Variants in LRP6 observed in about 807,000 individuals in gnomAD.
The protein encoded by LRP6 is low-density lipoprotein receptor-related protein 6.
LRP6 carries 43 observed loss-of-function variants against 184.1 expected under a neutral mutation model. The ratio of observed to expected loss-of-function variants is 0.23; its 90% CI spans 0.18 to 0.30. LRP6 has a LOEUF of 0.30. Ranked by LOEUF, LRP6 falls within the 10% of genes least tolerant of loss-of-function variation. The pLI, the probability that LRP6 is intolerant of heterozygous loss-of-function variation, is 1.00. For missense variants in LRP6, 1,571 were observed against 2,005.3 expected (o/e 0.78, Z 4.14); for synonymous variants, 719 against 684.9 (o/e 1.05, Z -0.78).
At chr12:12,196,467 T>C (rs1863764990) in intron 3 of LRP6, among the ~76,000 whole-genome samples, 1 of 152,170 alleles carries the variant, frequency 6.6e-6, no homozygotes, top group Non-Finnish European at 1.5e-5. Flanking sequence ...CTATTGTAAA[T>C]GACACTGCCT....
chr12:12,170,560 C>A (rs1472600408), intron 7 of LRP6, among the ~76,000 whole-genome samples: 1 of 151,948 alleles, frequency 6.6e-6, no homozygotes, highest in Non-Finnish European at 1.5e-5. Flanking sequence ...TTAGTGGCTA[C>A]ATATTGCACT....
intron 2 of LRP6, among the ~76,000 whole-genome samples, chr12:12,217,757 A>G (rs764710579): frequency 3.3e-5 from 5 of 152,236 alleles, no homozygotes; most frequent in Non-Finnish European, 7.3e-5. Context: ...TTGACTTTCA[A>G]TGAGGATGTG....
Position 12,131,802 on chromosome 12 carries a change from A to C in LRP6, c.3970+19T>G. The C allele has an allele frequency of 6.3e-7, 1 of 1,587,706 alleles. No individual in the cohort carries two copies. The highest frequency in any genetic ancestry group is 1.3e-5 in the African/African-American group (1 of 74,560). On this transcript the variant is annotated intron_variant, in intron 18 of 22. Transcript: ENST00000261349. ...GGAAAAAAGGATTGCATGCTGAGGC[A>C]CTGAAGAATTCTGGATACCTTCACA... is the stretch of plus-strand genomic sequence containing the variant.
At position 12,126,801 on chromosome 12, in the gene LRP6, C is replaced by T. The variant is rs34815107; in HGVS notation, c.4202G>A (p.Arg1401His). Residue 1401 changes from arginine to histidine, a missense_variant, in exon 20 of 23, where the codon CGT becomes CAT. This residue lies in a region of LRP6 where 763 missense variants were observed against 859.5 expected (regional missense o/e 0.89). Coordinates refer to ENST00000261349, the MANE Select transcript of LRP6 (RefSeq NM_002336.3). ...CATAGTTTCCCCATCTCCCTTCATA[C>T]GTGGACACAACATCCTCTGGCAGAT... ...YFICQRMLCP[R>H]MKGDGETMTN... The T allele has an allele frequency of 7.8e-4, 1,253 of 1,614,038 alleles. 9 individuals carry two copies. In the African/African-American group the frequency reaches 0.015, roughly 19 times the overall value.
At chr12:12,134,189 C>A (rs188931497) in intron 17 of LRP6, among the ~76,000 whole-genome samples, 1 of 152,256 alleles carries the variant, frequency 6.6e-6, no homozygotes, top group African/African-American at 2.4e-5. Flanking sequence ...AATACATATT[C>A]TCTTTCAATA....
At chr12:12,222,306 CTGTAA>C in intron 2 of LRP6, among the ~76,000 whole-genome samples, 1 of 152,004 alleles carries the variant, frequency 6.6e-6, no homozygotes, top group African/African-American at 2.4e-5. Flanking sequence ...TGGCTCACAC[CTGTAA>C]TCCCAGCACT....
intron 12 of LRP6, among the ~76,000 whole-genome samples, chr12:12,156,705 T>C (rs1862588738): frequency 6.6e-6 from 1 of 152,238 alleles, no homozygotes; most frequent in Admixed American, 6.5e-5. Context: ...AGACCTCCCC[T>C]TACTCATTCA....
At chr12:12,140,973 T>C (rs562917205) in intron 15 of LRP6, among the ~76,000 whole-genome samples, 9 of 152,200 alleles carry the variant, frequency 5.9e-5, no homozygotes, top group Non-Finnish European at 8.8e-5. Flanking sequence ...GAATGTACCA[T>C]GCTAAATTTT....
chr12:12,186,719 C>T, intron 4 of LRP6: 9 of 572,842 alleles, frequency 1.6e-5, no homozygotes, highest in East Asian at 3.2e-5. Context: ...AGTGCAGTGG[C>T]GCAATCTCAG....
chr12:12,132,564 A>G (rs1175022508), intron 17 of LRP6, among the ~76,000 whole-genome samples: 1 of 152,214 alleles, frequency 6.6e-6, no homozygotes, highest in Non-Finnish European at 1.5e-5. Context: ...TGCAAAAGAA[A>G]TAGTGAATAA....
At chr12:12,144,882 G>A (rs1344242940) in intron 15 of LRP6, among the ~76,000 whole-genome samples, 8 of 150,368 alleles carry the variant, frequency 5.3e-5, no homozygotes, top group Admixed American at 5.3e-4. Context: ...TTGGACACAG[G>A]GTGGGGAACA....
intron 19 of LRP6, 84 bp from the exon 20 acceptor site, chr12:12,127,005 G>A (rs1949681771): frequency 8.8e-7 from 1 of 1,133,678 alleles, no homozygotes; most frequent in African/African-American, 1.5e-5. Context: ...CTTGCTAATA[G>A]GATGTGAAGC....
intron 7 of LRP6, among the ~76,000 whole-genome samples, chr12:12,165,766 A>G (rs1308095755): frequency 6.6e-6 from 1 of 152,202 alleles, no homozygotes; most frequent in Non-Finnish European, 1.5e-5. Context: ...TGTCTTTTTC[A>G]GGACTTTTTC....
rs1300103969 is a variant in LRP6, at chr12:12,138,286, CAT to C, written c.3607+37_3607+38del. 12 of 1,487,254 alleles carry C rather than the reference CAT, an allele frequency of 8.1e-6. No individual in the cohort carries two copies. The East Asian group carries it at 1.6e-4, about 20-fold the overall frequency. The allele number at this position is 1,487,254 out of a possible 1,614,324, so 92.1% of individuals were successfully genotyped here. On this transcript the variant is annotated intron_variant, in intron 16 of 22. Transcript: ENST00000261349. ...AAGTACATATTAATTTATTATAACA[CAT>C]GATTCCTCCAATTAGCTTTATCCCA...
intron 10 of LRP6, among the ~76,000 whole-genome samples, chr12:12,160,701 G>A (rs767935198): frequency 2.0e-5 from 3 of 152,302 alleles, no homozygotes; most frequent in Non-Finnish European, 4.4e-5. Context: ...GCTTTTTATA[G>A]ATGAAGAGCC....
At chr12:12,125,160 C>A in intron 21 of LRP6, 136 bp downstream of exon 21, 1 of 924,252 alleles carries the variant, frequency 1.1e-6, no homozygotes, top group Admixed American at 1.9e-5. Context: ...TGTGGTAAGT[C>A]CTTTGAGCCT....
At chr12:12,214,444 C>T (rs1449540373) in intron 2 of LRP6, among the ~76,000 whole-genome samples, 1 of 152,174 alleles carries the variant, frequency 6.6e-6, no homozygotes, top group Admixed American at 6.5e-5. Context: ...ACCCATTCTT[C>T]AGATATCTCA....
chr12:12,123,408 G>A (rs1219358431), intron 22 of LRP6, among the ~76,000 whole-genome samples: 1 of 152,162 alleles, frequency 6.6e-6, no homozygotes, highest in African/African-American at 2.4e-5. Context: ...TCTTATCTAA[G>A]CTGAAATGAG....
rs1949586289 is a variant in LRP6, at chr12:12,120,170, A to T, written c.*956T>A. The stretch of plus-strand genomic sequence containing the variant: ...TGTGTTGTAAAAAGACATTTTAATG[A>T]GCATTAAAACAATCTTGGAAGAAGA... On this transcript the variant is annotated 3_prime_UTR_variant, in exon 23 of 23. Transcript: ENST00000261349. 1 of 151,494 alleles carries T rather than the reference A, an allele frequency of 6.6e-6. No homozygotes were observed. Among genetic ancestry groups the T allele is most frequent in the Admixed American group, 6.6e-5 (1 of 15,196 alleles). The allele number at this position is 151,494 out of a possible 1,614,324, so 9.4% of individuals were successfully genotyped here.
Sources: gnomAD v4.1 joint callset for allele counts (sites outside exome capture counted in the v4.1 genomes callset) on GRCh38, gnomAD v4.1.1 for gene constraint, gnomAD v4.1.1 regional missense constraint, MANE v1.5 for transcripts, NCBI Gene and HGNC (gene_info 2026-07-23, HGNC 2026-07-21) for gene names.